The following C10orf90 variants were observed in gnomAD, a reference collection of about 807,000 sequenced individuals.
C10orf90 encodes the protein chromosome 10 open reading frame 90.
Under a neutral mutation model 62.5 loss-of-function variants are expected in C10orf90, and 56 were observed. That is an observed-to-expected ratio of 0.90 (90% CI 0.72 to 1.12). The LOEUF is 1.12. Ranked by LOEUF, C10orf90 falls within the 50% of genes most tolerant of loss-of-function variation. C10orf90 has a pLI of 0.00. For missense variants in C10orf90, 970 were observed against 880.4 expected, an observed-to-expected ratio of 1.10 and a Z score of -1.29; for synonymous variants, 386 against 340.4, an observed-to-expected ratio of 1.13 and a Z score of -1.47.
chr10:126,495,780 T>G (rs571813989), intron 4 of C10orf90, among the ~76,000 whole-genome samples: 1 of 152,298 alleles, frequency 6.6e-6, no homozygotes, highest in East Asian at 1.9e-4. Context: ...GTCATCTGTA[T>G]CTAGAATACT....
At chr10:126,606,888 A>G (rs1845324083) in intron 2 of C10orf90, among the ~76,000 whole-genome samples, 1 of 152,228 alleles carries the variant, frequency 6.6e-6, no homozygotes, top group East Asian at 1.9e-4. Context: ...ACATCAGACA[A>G]TAGCCATCAG....
chr10:126,506,443 C>T (rs1214811374), intron 3 of C10orf90, among the ~76,000 whole-genome samples: 11 of 152,230 alleles, frequency 7.2e-5, no homozygotes, highest in Non-Finnish European at 1.3e-4. Context: ...TATATGTAAC[C>T]GCTAAGCTCC....
At position 126,521,669 on chromosome 10, in the gene C10orf90, C is replaced by T. The variant is rs1008838696; in HGVS notation, c.314-7730G>A. 2.0e-5 allele frequency among the ~76,000 whole-genome samples: 3 copies of T among 152,188 alleles called. No individual in the cohort carries two copies. In the East Asian group the frequency reaches 5.8e-4, roughly 29 times the overall value. ...TAAAAGTTTTCTTAGTATTAAAATA[C>T]ATCCAGATAACGTCACACTGGTGAT... is the stretch of plus-strand genomic sequence containing the variant. On this transcript the variant is annotated intron_variant, in intron 2 of 9. Coordinates refer to ENST00000488181, the MANE Select transcript of C10orf90 (RefSeq NM_001350921.2).
chr10:126,437,018 G>A (rs933613916), intron 7 of C10orf90, among the ~76,000 whole-genome samples: 2 of 152,070 alleles, frequency 1.3e-5, no homozygotes, highest in African/African-American at 2.4e-5. Context: ...CAATGCCAAC[G>A]ACCACTGTTT....
chr10:126,490,601 G>A (rs190233117), intron 4 of C10orf90, among the ~76,000 whole-genome samples: 5 of 151,934 alleles, frequency 3.3e-5, no homozygotes, highest in African/African-American at 9.7e-5. Flanking sequence ...AGAACTGTAC[G>A]CTTACAACTT....
chr10:126,447,536 G>A (rs1008315743), intron 7 of C10orf90, among the ~76,000 whole-genome samples: 1 of 151,952 alleles, frequency 6.6e-6, no homozygotes, highest in Admixed American at 6.6e-5. Context: ...AATATATAAA[G>A]CAAATAATAG....
chr10:126,441,397 T>G (rs1202783951), intron 7 of C10orf90, among the ~76,000 whole-genome samples: 1 of 151,970 alleles, frequency 6.6e-6, no homozygotes, highest in African/African-American at 2.4e-5. Flanking sequence ...GTTAAATTAC[T>G]AAAACTAAGA....
intron 2 of C10orf90, among the ~76,000 whole-genome samples, chr10:126,594,758 A>G (rs1845050560): frequency 6.6e-6 from 1 of 150,814 alleles, no homozygotes; most frequent in Admixed American, 6.6e-5. Context: ...GGGATCAGCC[A>G]GGGCAGAGGT....
chr10:126,630,065 G>C (rs1049164618), intron 2 of C10orf90, among the ~76,000 whole-genome samples: 1 of 152,110 alleles, frequency 6.6e-6, no homozygotes, highest in South Asian at 2.1e-4. Context: ...TAAAAATAGC[G>C]GCTGCCTGTG....
chr10:126,614,535 G>A (rs375403084), intron 2 of C10orf90, among the ~76,000 whole-genome samples: 4 of 152,130 alleles, frequency 2.6e-5, no homozygotes, highest in African/African-American at 9.7e-5. Flanking sequence ...CCTGTGGATT[G>A]AGGTGCCATG....
In C10orf90 at chr10:126,456,047, C is replaced by T. The variant is rs561028211; in HGVS notation, c.2188+2993G>A. On this transcript the variant is annotated intron_variant, in intron 7 of 9. Transcript: ENST00000488181. The surrounding 1 kb of genome is among the most constrained non-coding windows in gnomAD (Gnocchi z 4.9). ...CCCAGCACCAAAAGCAAATAGGAGTCTTCTTTTTAACAGACGCCTTGACAC... is the reference window on the plus strand; with the variant it reads ...CCCAGCACCAAAAGCAAATAGGAGTTTTCTTTTTAACAGACGCCTTGACAC... 2.6e-5 allele frequency among the ~76,000 whole-genome samples: 4 copies of T among 152,368 alleles called. No homozygotes were observed. The South Asian group carries it at 8.3e-4, about 32-fold the overall frequency.
intron 2 of C10orf90, among the ~76,000 whole-genome samples, chr10:126,560,854 T>G (rs1414874560): frequency 1.3e-5 from 2 of 152,232 alleles, no homozygotes; most frequent in Non-Finnish European, 2.9e-5. Context: ...ACGTGGATTT[T>G]GTATAATTTT....
intron 7 of C10orf90, among the ~76,000 whole-genome samples, chr10:126,431,096 A>T (rs1306965616): frequency 1.3e-5 from 2 of 152,242 alleles, no homozygotes; most frequent in African/African-American, 4.8e-5. Context: ...CAAGAAAAAG[A>T]AATTGGAATA....
intron 2 of C10orf90, among the ~76,000 whole-genome samples, chr10:126,642,283 A>T (rs1846074739): frequency 6.6e-6 from 1 of 152,220 alleles, no homozygotes; most frequent in Non-Finnish European, 1.5e-5. Context: ...TTGTAATCCC[A>T]GCACTTTGGG....
intron 2 of C10orf90, among the ~76,000 whole-genome samples, chr10:126,640,260 C>A (rs1240779859): frequency 6.6e-6 from 1 of 152,244 alleles, no homozygotes; most frequent in African/African-American, 2.4e-5. Context: ...ACAAGGGAAG[C>A]TGAGGAGCAG....
rs577490894 is a variant in C10orf90 at position 126,514,171 on chromosome 10, T to C, written c.314-232A>G. 4.6e-5 allele frequency among the ~76,000 whole-genome samples: 7 copies of C among 152,324 alleles called. No individual in the cohort carries two copies. The South Asian group carries it at 1.4e-3, about 32-fold the overall frequency. ...TTCAGCTGCAAGATTTCTTCTTCCA[T>C]ATGATCGTTTGTGTCCCTTAGACTC... is the stretch of plus-strand genomic sequence containing the variant. On this transcript the variant is annotated intron_variant, in intron 2 of 9. Transcript: ENST00000488181.
At chr10:126,648,242 T>C (rs1465637797) in intron 1 of C10orf90, among the ~76,000 whole-genome samples, 3 of 152,190 alleles carry the variant, frequency 2.0e-5, no homozygotes, top group African/African-American at 4.8e-5. Context: ...AAGGATGTAC[T>C]TCCATTTTCT....
chr10:126,609,319 C>T (rs1260670075), intron 2 of C10orf90, among the ~76,000 whole-genome samples: 2 of 152,224 alleles, frequency 1.3e-5, no homozygotes, highest in African/African-American at 4.8e-5. Flanking sequence ...AAGAGAATCA[C>T]TTGAACCTAG....
chr10:126,487,529 T>G (rs1466955673), intron 4 of C10orf90, among the ~76,000 whole-genome samples: 1 of 152,138 alleles, frequency 6.6e-6, no homozygotes, highest in Non-Finnish European at 1.5e-5. Context: ...TCAACATACC[T>G]TAGTATGTTA....
Sources: gnomAD v4.1 joint callset for allele counts (sites outside exome capture counted in the v4.1 genomes callset) on GRCh38, gnomAD v4.1.1 for gene constraint, Gnocchi (gnomAD v3.1) non-coding constraint, MANE v1.5 for transcripts, NCBI Gene and HGNC (gene_info 2026-07-23, HGNC 2026-07-21) for gene names.